The following MTM1 variants were observed in gnomAD, a reference collection of about 807,000 sequenced individuals.
MTM1 encodes the protein myotubularin.
In MTM1, 9 loss-of-function variants were observed where a neutral mutation model predicts 52.1. The observed-to-expected ratio is 0.17, with a 90% CI of 0.10 to 0.30. The LOEUF (loss-of-function observed/expected upper bound fraction) is 0.30, where lower values mean the gene tolerates loss of function less well. Among genes scored for constraint, MTM1 ranks in the 10% least tolerant of loss-of-function variants. The pLI is 1.00. For missense variants in MTM1, 277 were observed against 470.7 expected (o/e 0.59, Z 3.81); for synonymous variants, 136 against 163.8 (o/e 0.83, Z 1.29).
chrX:150,596,656 A>G (rs1323552309), intron 3 of MTM1, 86 bp downstream of exon 3: 2 of 725,299 alleles, frequency 2.8e-6, no homozygotes, highest in Non-Finnish European at 4.4e-6. Context: ...ACTCTTTAGC[A>G]GTCAGGCTTA....
At chrX:150,669,475 A>G (rs1382213339) in intron 14 of MTM1, among the ~76,000 whole-genome samples, 1 of 111,312 alleles carries the variant, frequency 9.0e-6, no homozygotes, top group African/African-American at 3.3e-5. Context: ...ACTAATTTAC[A>G]CTCCCACCAA....
intron 6 of MTM1, among the ~76,000 whole-genome samples, chrX:150,635,787 G>C (rs782219575): frequency 3.6e-5 from 4 of 111,984 alleles, no homozygotes; most frequent in Non-Finnish European, 7.5e-5. Context: ...CACTTCAATT[G>C]AGCCAAGTAG....
chrX:150,623,937 C>A (rs1413627069), intron 6 of MTM1, among the ~76,000 whole-genome samples: 2 of 111,831 alleles, frequency 1.8e-5, no homozygotes, highest in East Asian at 5.6e-4. Context: ...AGTGAACTTG[C>A]TGTTGCATCT....
intron 13 of MTM1, 32 bp downstream of exon 13, chrX:150,660,516 T>C: frequency 1.1e-6 from 1 of 913,619 alleles, no homozygotes; most frequent in Non-Finnish European, 1.6e-6. Context: ...TTTGATACAT[T>C]AGGCTTGCCA....
chrX:150,648,825 C>G (rs2039974950), intron 9 of MTM1, among the ~76,000 whole-genome samples: 1 of 112,770 alleles, frequency 8.9e-6, no homozygotes, highest in African/African-American at 3.2e-5. Flanking sequence ...GCAGTGCTCT[C>G]TCATTGGTGT....
intron 1 of MTM1, among the ~76,000 whole-genome samples, chrX:150,571,138 G>A (rs2038367059): frequency 1.8e-5 from 2 of 111,916 alleles, no homozygotes; most frequent in Admixed American, 1.9e-4. Flanking sequence ...CATTTTAAAG[G>A]GGTAACCAGA....
At chrX:150,609,297 G>A (rs2039232476) in intron 4 of MTM1, among the ~76,000 whole-genome samples, 1 of 111,641 alleles carries the variant, frequency 9.0e-6, no homozygotes, top group Non-Finnish European at 1.9e-5. Context: ...AACCACGGCA[G>A]TGGCCCAGAG....
At chrX:150,619,167 G>A in intron 6 of MTM1, 28 bp downstream of exon 6, 1 of 1,091,210 alleles carries the variant, frequency 9.2e-7, no homozygotes, top group Non-Finnish European at 1.3e-6. Context: ...CCTCAGCGTG[G>A]GAAGGTTCTC....
At position 150,655,324 on chromosome X, in the gene MTM1, CA is replaced by C. The variant is rs782639017; in HGVS notation, c.1054-2478del. Among the ~76,000 whole-genome samples, 346 of 42,642 alleles carry C rather than the reference CA, an allele frequency of 8.1e-3. 2 individuals are homozygous for C. The highest frequency in any genetic ancestry group is 0.057 in the Middle Eastern group (3 of 53). 37.0% of individuals were successfully genotyped at this position (42,642 alleles called of 115,157 possible). A position where few individuals can be genotyped will look rare whatever the true frequency, so the allele number is the denominator to read the frequency against. On this transcript the variant is annotated intron_variant, in intron 10 of 14. Transcript: ENST00000370396. ...TGGGCGAAAGAGCGAGACTCTGTCT[CA>C]AAAAAAAAAAAAAAAAAATTAAACA...
intron 6 of MTM1, among the ~76,000 whole-genome samples, chrX:150,623,999 C>T (rs1259642870): frequency 9.0e-6 from 1 of 111,421 alleles, no homozygotes; most frequent in Non-Finnish European, 1.9e-5. Flanking sequence ...CCGGCCAGGT[C>T]ATGAATACAC....
At chrX:150,633,251 C>G (rs222357) in intron 6 of MTM1, among the ~76,000 whole-genome samples, 1,557 of 112,128 alleles carry the variant, frequency 0.014, 35 homozygotes, top group African/African-American at 0.048. Flanking sequence ...CCATTTCCCC[C>G]AGAGGTACTG....
chrX:150,610,000 G>A (rs1236949970), intron 4 of MTM1, among the ~76,000 whole-genome samples: 2 of 111,601 alleles, frequency 1.8e-5, no homozygotes, highest in Non-Finnish European at 3.8e-5. Context: ...TCCCATCACC[G>A]TTGCTGAAAC....
At chrX:150,638,364 A>G (rs1313929353) in intron 6 of MTM1, among the ~76,000 whole-genome samples, 2 of 111,234 alleles carry the variant, frequency 1.8e-5, no homozygotes, top group Non-Finnish European at 3.8e-5. Context: ...TGAAGCTATC[A>G]AATGTATCAA....
At chrX:150,600,123 C>T (rs1041371914) in intron 4 of MTM1, among the ~76,000 whole-genome samples, 5 of 110,964 alleles carry the variant, frequency 4.5e-5, no homozygotes, top group African/African-American at 1.3e-4. Flanking sequence ...GAAGGGTGGT[C>T]GCTAACATCT....
intron 3 of MTM1, among the ~76,000 whole-genome samples, chrX:150,597,292 C>T (rs1356473846): frequency 1.8e-5 from 2 of 111,832 alleles, no homozygotes; most frequent in Admixed American, 1.9e-4. Context: ...TGGCTAAAAC[C>T]TCGTGCTAAT....
chrX:150,584,260 G>A (rs1209126616), intron 1 of MTM1, among the ~76,000 whole-genome samples: 1 of 108,321 alleles, frequency 9.2e-6, no homozygotes, highest in African/African-American at 3.4e-5. Flanking sequence ...CTGTGAAAAT[G>A]AGTGGAACAC....
At chrX:150,572,378 A>G (rs1025713640) in intron 1 of MTM1, among the ~76,000 whole-genome samples, 2 of 112,157 alleles carry the variant, frequency 1.8e-5, no homozygotes, top group Non-Finnish European at 3.8e-5. Context: ...GAGAACTGGT[A>G]TAAGAGGGCA....
At chrX:150,668,071 AGAG>A (rs1474988735) in intron 14 of MTM1, among the ~76,000 whole-genome samples, 7 of 112,634 alleles carry the variant, frequency 6.2e-5, no homozygotes, top group Admixed American at 2.8e-4. Flanking sequence ...ACCCAGACAT[AGAG>A]GAGAGAAGGC....
At chrX:150,621,760 T>C (rs1462382734) in intron 6 of MTM1, among the ~76,000 whole-genome samples, 3 of 111,788 alleles carry the variant, frequency 2.7e-5, no homozygotes, top group African/African-American at 6.5e-5. Flanking sequence ...TACCGCTCAA[T>C]TGTTAGTCTT....
Sources: allele counts gnomAD v4.1 joint callset (sites outside exome capture counted in the v4.1 genomes callset), GRCh38; gene constraint gnomAD v4.1.1; transcripts MANE v1.5; gene names NCBI Gene and HGNC (gene_info 2026-07-23, HGNC 2026-07-21).